Variants in NKAIN3 observed in about 807,000 individuals in gnomAD.
NKAIN3 encodes sodium/potassium-transporting ATPase subunit beta-1-interacting protein 3.
In NKAIN3, 25 loss-of-function variants were observed where a neutral mutation model predicts 30.2. The ratio of observed to expected loss-of-function variants is 0.83; its 90% CI spans 0.60 to 1.16. NKAIN3 has a LOEUF of 1.16. NKAIN3 is among the 50% of genes most tolerant of loss of function. The pLI, the probability that NKAIN3 is intolerant of heterozygous loss-of-function variation, is 0.00. For missense variants in NKAIN3, 225 were observed against 254.1 expected (o/e 0.89, Z 0.78); for synonymous variants, 91 against 89.6 (o/e 1.02, Z -0.09).
At chr8:62,823,415 G>A (rs1051461202) in intron 4 of NKAIN3, among the ~76,000 whole-genome samples, 1 of 152,082 alleles carries the variant, frequency 6.6e-6, no homozygotes. Context: ...CTGTAACACT[G>A]AACAGAAAAT....
intron 1 of NKAIN3, among the ~76,000 whole-genome samples, chr8:62,532,525 A>C: frequency 6.6e-6 from 1 of 152,320 alleles, no homozygotes; most frequent in Middle Eastern, 3.4e-3. Flanking sequence ...TTAAGAATTG[A>C]TGTCCCTGGC....
chr8:62,485,064 A>G (rs757157646), intron 1 of NKAIN3, among the ~76,000 whole-genome samples: 37 of 152,212 alleles, frequency 2.4e-4, no homozygotes, highest in Non-Finnish European at 4.4e-4. Flanking sequence ...ACTGTCAGGA[A>G]CAACAGAGCC....
chr8:62,346,274 T>G (rs1816003022), intron 1 of NKAIN3, among the ~76,000 whole-genome samples: 1 of 152,104 alleles, frequency 6.6e-6, no homozygotes, highest in Admixed American at 6.6e-5. Flanking sequence ...ATGTGTCAAT[T>G]ACCCCTATTT....
chr8:62,643,452 T>C (rs1285764208), intron 3 of NKAIN3, among the ~76,000 whole-genome samples: 3 of 152,088 alleles, frequency 2.0e-5, no homozygotes, highest in Non-Finnish European at 4.4e-5. Context: ...ATGTGGAGAA[T>C]TGGGCCCAAA....
At chr8:62,516,559 G>T (rs1373663743) in intron 1 of NKAIN3, among the ~76,000 whole-genome samples, 4 of 152,048 alleles carry the variant, frequency 2.6e-5, no homozygotes, top group Non-Finnish European at 5.9e-5. Context: ...GTTTGGTATT[G>T]TATCAAATTT....
intron 4 of NKAIN3, among the ~76,000 whole-genome samples, chr8:62,790,802 A>G (rs1817683500): frequency 6.6e-6 from 1 of 152,094 alleles, no homozygotes; most frequent in Non-Finnish European, 1.5e-5. Context: ...TGCTACTCAC[A>G]GTGATGGGTG....
intron 1 of NKAIN3, among the ~76,000 whole-genome samples, chr8:62,286,150 A>G (rs1813372906): frequency 1.3e-5 from 2 of 152,314 alleles, no homozygotes; most frequent in East Asian, 1.9e-4. Flanking sequence ...ATATCTGAAT[A>G]CAACAGAATA....
chr8:62,663,530 C>T (rs1159833302), intron 3 of NKAIN3, among the ~76,000 whole-genome samples: 1 of 152,142 alleles, frequency 6.6e-6, no homozygotes, highest in Middle Eastern at 3.2e-3. Flanking sequence ...TTAGGTGACA[C>T]TGGGGCAGGG....
At chr8:62,466,637 C>T (rs755973302) in intron 1 of NKAIN3, among the ~76,000 whole-genome samples, 1 of 152,172 alleles carries the variant, frequency 6.6e-6, no homozygotes, top group Non-Finnish European at 1.5e-5. Flanking sequence ...GGTGAGCACA[C>T]TAAAATCATG....
rs183621398 is a variant in NKAIN3 at position 62,520,637 on chromosome 8, G to A, written c.55-58902G>A. Among the ~76,000 whole-genome samples the A allele has an allele frequency of 1.2e-4, 18 of 152,142 alleles. 1 individual carries two copies. In the East Asian group the frequency reaches 3.5e-3, roughly 30 times the overall value. On this transcript the variant is annotated intron_variant, in intron 1 of 6. Coordinates refer to ENST00000623646, the MANE Select transcript of NKAIN3 (RefSeq NM_001304533.3). Reference sequence around the variant, plus strand: ...TCAAGTTGTTTCAAACATAATTAAAGTATTTGAAACACTGAAATAACTACA... The same window carrying A: ...TCAAGTTGTTTCAAACATAATTAAAATATTTGAAACACTGAAATAACTACA...
intron 4 of NKAIN3, among the ~76,000 whole-genome samples, chr8:62,897,042 G>GA (rs1821449065): frequency 1.7e-5 from 1 of 58,328 alleles, no homozygotes; most frequent in Non-Finnish European, 2.7e-5. Flanking sequence ...ACACATTTTT[G>GA]AAGCAGAAGG....
intron 4 of NKAIN3, among the ~76,000 whole-genome samples, chr8:62,870,454 TATTGTATATACATA>T (rs1415437178): frequency 1.5e-5 from 2 of 136,506 alleles, no homozygotes; most frequent in Non-Finnish European, 3.0e-5. Context: ...TTATATTGTA[TATTGTATATACATA>T]TATATTGTAT....
chr8:62,414,639 A>G (rs1479958668), intron 1 of NKAIN3, among the ~76,000 whole-genome samples: 3 of 152,134 alleles, frequency 2.0e-5, no homozygotes, highest in Non-Finnish European at 2.9e-5. Flanking sequence ...GGTCTTACAA[A>G]GCTTTTATCT....
chr8:62,443,267 A>T (rs907414680), intron 1 of NKAIN3, among the ~76,000 whole-genome samples: 1 of 152,148 alleles, frequency 6.6e-6, no homozygotes. Context: ...AGATAGACTC[A>T]TAATATGATT....
intron 1 of NKAIN3, among the ~76,000 whole-genome samples, chr8:62,502,713 T>C (rs1807498891): frequency 6.6e-6 from 1 of 152,206 alleles, no homozygotes; most frequent in South Asian, 2.1e-4. Context: ...TTGTATTGTA[T>C]ATACCAGTTA....
In NKAIN3 at chr8:62,729,040, C is replaced by CA. The variant is rs1317282077; in HGVS notation, c.274-17880dup. Reference sequence around the variant, plus strand: ...CAAACAAACCAAAAAAAAAAAAAAACAAAAAAAAAAAACCTCCTGCTCTGC... The same window carrying CA: ...CAAACAAACCAAAAAAAAAAAAAAACAAAAAAAAAAAAACCTCCTGCTCTGC... On this transcript the variant is annotated intron_variant, in intron 3 of 6. Transcript: ENST00000623646. Among the ~76,000 whole-genome samples, 67 of 61,192 alleles carry CA rather than the reference C, an allele frequency of 1.1e-3. 5 individuals carry two copies. The highest frequency in any genetic ancestry group is 2.1e-3 in the South Asian group (3 of 1,426). 40.1% of individuals were successfully genotyped at this position (61,192 alleles called of 152,430 possible).
chr8:62,544,087 T>C (rs1808932910), intron 1 of NKAIN3, among the ~76,000 whole-genome samples: 1 of 152,082 alleles, frequency 6.6e-6, no homozygotes, highest in Non-Finnish European at 1.5e-5. Flanking sequence ...CTGCGACCTC[T>C]GCCTCCGGGG....
intron 6 of NKAIN3, among the ~76,000 whole-genome samples, chr8:62,954,276 T>C (rs1185775093): frequency 1.3e-5 from 2 of 152,176 alleles, no homozygotes; most frequent in African/African-American, 2.4e-5. Context: ...AGAATGAATA[T>C]GTGTCCTGGG....
chr8:62,698,124 G>GA (rs938159131), intron 3 of NKAIN3, among the ~76,000 whole-genome samples: 1 of 151,582 alleles, frequency 6.6e-6, no homozygotes, highest in Non-Finnish European at 1.5e-5. Flanking sequence ...CTGGGAAATA[G>GA]AAAAAAAAGA....
Sources: gnomAD v4.1 joint callset for allele counts (sites outside exome capture counted in the v4.1 genomes callset) on GRCh38, gnomAD v4.1.1 for gene constraint, MANE v1.5 for transcripts, NCBI Gene and HGNC (gene_info 2026-07-23, HGNC 2026-07-21) for gene names.